The following TMEM150C variants were observed in gnomAD, a reference collection of about 807,000 sequenced individuals.
TMEM150C encodes the protein tentonin 3.
In TMEM150C, 10 loss-of-function variants were observed where a neutral mutation model predicts 29.9. That is an observed-to-expected ratio of 0.33 (90% confidence interval 0.21 to 0.57). The LOEUF is 0.57. Among genes scored for constraint, TMEM150C ranks in the 20% least tolerant of loss-of-function variants. The pLI is 0.88. For missense variants in TMEM150C, 251 were observed against 303.6 expected, an observed-to-expected ratio of 0.83 and a Z score of 1.29; for synonymous variants, 101 against 112.5, an observed-to-expected ratio of 0.90 and a Z score of 0.64.
intron 1 of TMEM150C, among the ~76,000 whole-genome samples, chr4:82,530,138 G>T (rs990062456): frequency 1.3e-5 from 2 of 151,686 alleles, no homozygotes; most frequent in African/African-American, 2.4e-5. Flanking sequence ...GGAGTCAGAG[G>T]GAGGGCAAAG....
intron 1 of TMEM150C, among the ~76,000 whole-genome samples, chr4:82,546,523 C>A (rs2110090191): frequency 6.6e-6 from 1 of 152,210 alleles, no homozygotes; most frequent in East Asian, 1.9e-4. Flanking sequence ...AGCTGGCTAG[C>A]CTTATGCAGA....
intron 1 of TMEM150C, among the ~76,000 whole-genome samples, chr4:82,510,852 T>A (rs957066436): frequency 6.6e-6 from 1 of 152,224 alleles, no homozygotes; most frequent in African/African-American, 2.4e-5. Context: ...AAGAGCATCC[T>A]TGGTTTGTTT....
intron 1 of TMEM150C, among the ~76,000 whole-genome samples, chr4:82,536,065 AT>A (rs1191639206): frequency 6.6e-6 from 1 of 152,170 alleles, no homozygotes; most frequent in African/African-American, 2.4e-5. Flanking sequence ...AGTGAGGAAT[AT>A]AACAATTATT....
upstream of TMEM150C, chr4:82,562,058 G>A: frequency 8.7e-7 from 1 of 1,151,642 alleles, no homozygotes. Flanking sequence ...CCGCGCCGGG[G>A]CCCGCCCCCG....
chr4:82,558,262 C>A (rs1725806109), intron 1 of TMEM150C, among the ~76,000 whole-genome samples: 1 of 152,142 alleles, frequency 6.6e-6, no homozygotes, highest in African/African-American at 2.4e-5. Context: ...AATTCAGTTC[C>A]TCAATTACAC....
Position 82,561,984 on chromosome 4 carries a change from C to T in TMEM150C, c.-89G>A. 1.3e-5 allele frequency: 14 copies of T among 1,107,536 alleles called. No individual in the cohort carries two copies. Among genetic ancestry groups the T allele is most frequent in the African/African-American group, 1.7e-5 (1 of 57,974 alleles). 68.6% of individuals were successfully genotyped at this position (1,107,536 alleles called of 1,614,324 possible). A position where few individuals can be genotyped will look rare whatever the true frequency, so the allele number is the denominator to read the frequency against. ...GTGGCGGCGGCGGCAGCAGTAGCGG[C>T]GGGTAGGGCGCTTCCTTCAGGAAGG... On this transcript the variant is annotated 5_prime_UTR_variant, in exon 1 of 8. Coordinates refer to ENST00000449862, the MANE Select transcript of TMEM150C (RefSeq NM_001080506.3).
chr4:82,501,606 T>G (rs905725954), intron 5 of TMEM150C, among the ~76,000 whole-genome samples: 2 of 152,126 alleles, frequency 1.3e-5, no homozygotes, highest in Non-Finnish European at 2.9e-5. Flanking sequence ...AGCTTCAGGT[T>G]CAAGAGAGGC....
chr4:82,553,676 G>A (rs1291889314), intron 1 of TMEM150C, among the ~76,000 whole-genome samples: 1 of 152,122 alleles, frequency 6.6e-6, no homozygotes, highest in Non-Finnish European at 1.5e-5. Context: ...ACTGTGCTAG[G>A]GACTTCACAA....
chr4:82,503,151 G>GA (rs1179859711), intron 2 of TMEM150C, 39 bp from the exon 3 acceptor site: 2 of 1,426,178 alleles, frequency 1.4e-6, no homozygotes, highest in East Asian at 2.3e-5. Context: ...AAAGAAATTG[G>GA]AAAAAAGAAT....
chr4:82,515,495 T>C (rs1724263085), intron 1 of TMEM150C, among the ~76,000 whole-genome samples: 1 of 151,928 alleles, frequency 6.6e-6, no homozygotes, highest in African/African-American at 2.4e-5. Context: ...TCCCAGCACT[T>C]TGGGAGGCCG....
At position 82,503,068 on chromosome 4, in the gene TMEM150C, G is replaced by T; in HGVS notation, c.125C>A (p.Ser42Ter). Residue 42 changes from serine to a stop codon, truncating the protein, a stop_gained, in exon 3 of 8, where the codon TCA becomes TAA. Coordinates refer to ENST00000449862, the MANE Select transcript of TMEM150C (RefSeq NM_001080506.3). LOFTEE classifies it high-confidence loss of function. ...VEDDKILPLN[S>*]AERKPGVKHA... ...CACAGATAAACTTTACCTTTCAGCT[G>T]AATTTAATGGTAAAATTTTGTCATC... The T allele has an allele frequency of 6.2e-7, 1 of 1,612,602 alleles. No homozygotes were observed. Among genetic ancestry groups the T allele is most frequent in the South Asian group, 1.1e-5 (1 of 90,772 alleles).
At chr4:82,551,480 TC>T (rs1451559651) in intron 1 of TMEM150C, among the ~76,000 whole-genome samples, 1 of 152,212 alleles carries the variant, frequency 6.6e-6, no homozygotes, top group Non-Finnish European at 1.5e-5. Flanking sequence ...ATAAGGACAT[TC>T]CATGAGGTTT....
intron 2 of TMEM150C, 110 bp downstream of exon 2, chr4:82,504,468 T>C: frequency 1.3e-6 from 1 of 756,976 alleles, no homozygotes; most frequent in Non-Finnish European, 2.2e-6. Context: ...CCCAAAGTGC[T>C]GAGATTACAG....
intron 2 of TMEM150C, among the ~76,000 whole-genome samples, chr4:82,503,973 C>T (rs28609089): frequency 0.16 from 23,683 of 152,102 alleles, 2,271 homozygotes; most frequent in Non-Finnish European, 0.21. Context: ...GAAAATCTTG[C>T]AAATAATTAA....
chr4:82,512,575 T>G (rs1171716726), intron 1 of TMEM150C, among the ~76,000 whole-genome samples: 1 of 152,202 alleles, frequency 6.6e-6, no homozygotes, highest in Non-Finnish European at 1.5e-5. Context: ...AAGGCTCATA[T>G]GATAACACGA....
At chr4:82,491,555 C>G in intron 6 of TMEM150C, 1 of 667,772 alleles carries the variant, frequency 1.5e-6, no homozygotes, top group Non-Finnish European at 2.7e-6. Context: ...AGGGATTCAC[C>G]ACTTTCTTGG....
At chr4:82,495,684 C>A in intron 6 of TMEM150C, 1 of 293,594 alleles carries the variant, frequency 3.4e-6, no homozygotes, top group South Asian at 3.8e-5. Context: ...TCAAGATACC[C>A]TGCTTGTTGT....
intron 1 of TMEM150C, chr4:82,509,816 A>T (rs1014068684): frequency 5.3e-5 from 8 of 151,826 alleles, no homozygotes; most frequent in Admixed American, 2.0e-4. Context: ...AAACAAACAA[A>T]TAAATAAATA....
In TMEM150C at chr4:82,507,744, T is replaced by C. The variant is rs1172224665; in HGVS notation, c.-10-3077A>G. 2.4e-4 allele frequency among the ~76,000 whole-genome samples: 15 copies of C among 63,728 alleles called. No individual in the cohort carries two copies. In the East Asian group the frequency reaches 3.8e-3, roughly 16 times the overall value. 41.8% of individuals were successfully genotyped at this position (63,728 alleles called of 152,430 possible). A position where few individuals can be genotyped will look rare whatever the true frequency, so the allele number is the denominator to read the frequency against. Reference sequence around the variant, plus strand: ...CTCTCTCTCTTTTTTTTTTTTTTTTTTTTTTTTTTTTTTTTTTTTTTTGAG... The same window carrying C: ...CTCTCTCTCTTTTTTTTTTTTTTTTCTTTTTTTTTTTTTTTTTTTTTTGAG... On this transcript the variant is annotated intron_variant, in intron 1 of 7. Coordinates refer to ENST00000449862, the MANE Select transcript of TMEM150C (RefSeq NM_001080506.3).
Sources: allele counts gnomAD v4.1 joint callset (sites outside exome capture counted in the v4.1 genomes callset), GRCh38; gene constraint gnomAD v4.1.1; transcripts MANE v1.5; gene names NCBI Gene and HGNC (gene_info 2026-07-23, HGNC 2026-07-21).